Variants in PLEKHD1 observed in about 807,000 individuals in gnomAD.
The protein encoded by PLEKHD1 is pleckstrin homology domain-containing family D member 1.
A neutral mutation model predicts 69.2 loss-of-function variants in PLEKHD1; 51 were observed. That is an observed-to-expected ratio of 0.74 (90% CI 0.59 to 0.93). The LOEUF is 0.93. PLEKHD1 is among the 40% of genes least tolerant of loss of function. The pLI, the probability that PLEKHD1 is intolerant of heterozygous loss-of-function variation, is 0.00. For missense variants in PLEKHD1, 584 were observed against 641.0 expected (o/e 0.91, Z 0.96); for synonymous variants, 236 against 244.7 (o/e 0.96, Z 0.33).
chr14:69,527,450 A>G, intron 11 of PLEKHD1, 118 bp downstream of exon 11: 10 of 1,400,060 alleles, frequency 7.1e-6, no homozygotes, highest in Non-Finnish European at 8.7e-6. Flanking sequence ...TGCTCCCTGG[A>G]TATTGAAGGG....
Position 69,527,851 on chromosome 14 carries a change from G to T in PLEKHD1, c.1270G>T (p.Val424Leu). The change falls in exon 12 of 13, where the codon GTG becomes TTG. Residue 424 changes from valine (V) to leucine (L), a missense_variant. Coordinates refer to ENST00000322564, the MANE Select transcript of PLEKHD1 (RefSeq NM_001161498.2). ...AKMPVIMKNS[V>L]YIHKAATRRI... Reference sequence around the variant, plus strand: ...GATGCCTGTGATCATGAAGAACTCCGTGTACATCCATAAGGCAGCCACTCG... The same window carrying T: ...GATGCCTGTGATCATGAAGAACTCCTTGTACATCCATAAGGCAGCCACTCG... 1 of 1,551,484 alleles carries T rather than the reference G, an allele frequency of 6.4e-7. No individual in the cohort carries two copies. The highest frequency in any genetic ancestry group is 8.7e-7 in the Non-Finnish European group (1 of 1,146,996).
chr14:69,500,585 C>A lies in PLEKHD1; in HGVS notation c.252C>A (p.Ile84=), dbSNP rs755219358. Residue 84 remains isoleucine (I), a synonymous_variant, in exon 3 of 13, where the codon ATC becomes ATA. Transcript: ENST00000322564. Reference sequence around the variant, plus strand: ...TTCTGGTTCTTCCTCAGGGCGTCATCCCTCTGGGGGGCTGCCTGGTGGAGC... The same window carrying A: ...TTCTGGTTCTTCCTCAGGGCGTCATACCTCTGGGGGGCTGCCTGGTGGAGC... ...KYFNIHPKGV[I]PLGGCLVEPK... The A allele has an allele frequency of 7.7e-6, 12 of 1,549,614 alleles. No homozygotes were observed. The highest frequency in any genetic ancestry group is 1.0e-5 in the Non-Finnish European group (12 of 1,146,030).
At position 69,484,865 on chromosome 14, in the gene PLEKHD1, C is replaced by G. The variant is rs758107201; in HGVS notation, c.-101C>G. Reference sequence around the variant, plus strand: ...CCGGGCCGCTCTGCTTCTCTGCTCGCTGGGACGCTCTCCGACGGCTCCGCC... The same window carrying G: ...CCGGGCCGCTCTGCTTCTCTGCTCGGTGGGACGCTCTCCGACGGCTCCGCC... On this transcript the variant is annotated 5_prime_UTR_variant, in exon 1 of 13. Coordinates refer to ENST00000322564, the MANE Select transcript of PLEKHD1 (RefSeq NM_001161498.2). 3.5e-5 allele frequency: 49 copies of G among 1,384,952 alleles called. No individual in the cohort carries two copies. The highest frequency in any genetic ancestry group is 4.7e-5 in the Non-Finnish European group (48 of 1,027,408). 85.8% of individuals were successfully genotyped at this position (1,384,952 alleles called of 1,614,324 possible). A position where few individuals can be genotyped will look rare whatever the true frequency, so the allele number is the denominator to read the frequency against.
At chr14:69,494,416 G>A (rs1385184200) in intron 1 of PLEKHD1, among the ~76,000 whole-genome samples, 1 of 152,144 alleles carries the variant, frequency 6.6e-6, no homozygotes, top group Non-Finnish European at 1.5e-5. Flanking sequence ...CAGTGGCTGT[G>A]GGAAGTAGGT....
chr14:69,485,968 C>T (rs939450237), intron 1 of PLEKHD1, among the ~76,000 whole-genome samples: 2 of 152,250 alleles, frequency 1.3e-5, no homozygotes, highest in African/African-American at 2.4e-5. Context: ...GAGTTCACAG[C>T]CCTGGACTTG....
At chr14:69,506,737 T>G (rs1157150736) in intron 6 of PLEKHD1, among the ~76,000 whole-genome samples, 2 of 152,036 alleles carry the variant, frequency 1.3e-5, no homozygotes, top group Non-Finnish European at 2.9e-5. Flanking sequence ...TCACCCAAAG[T>G]TCATAGCATA....
At chr14:69,498,433 A>G (rs1882939457) in intron 1 of PLEKHD1, among the ~76,000 whole-genome samples, 1 of 152,054 alleles carries the variant, frequency 6.6e-6, no homozygotes, top group South Asian at 2.1e-4. Context: ...ACACCACAGC[A>G]CAGAGCTGAG....
In PLEKHD1 at chr14:69,528,531, A is replaced by G; in HGVS notation, c.*112A>G. 7.4e-7 allele frequency: 1 copy of G among 1,352,690 alleles called. No individual in the cohort carries two copies. Among genetic ancestry groups the G allele is most frequent in the Non-Finnish European group, 9.8e-7 (1 of 1,015,548 alleles). The allele number at this position is 1,352,690 out of a possible 1,614,324, so 83.8% of individuals were successfully genotyped here. ...TCCTGGCCTCTCTGGTCTGGAGCCT[A>G]TGTCTCCTCTGGGCCGGAGCTCCAC... is the stretch of plus-strand genomic sequence containing the variant. On this transcript the variant is annotated 3_prime_UTR_variant, in exon 13 of 13. Coordinates refer to ENST00000322564, the MANE Select transcript of PLEKHD1 (RefSeq NM_001161498.2).
intron 1 of PLEKHD1, among the ~76,000 whole-genome samples, chr14:69,498,032 G>GTTTTATTTTATTTTA (rs201092988): frequency 2.6e-4 from 36 of 137,104 alleles, no homozygotes; most frequent in Admixed American, 2.9e-4. Flanking sequence ...ATTTTATTTT[G>GTTTTATTTTATTTTA]TTTTATTTTA....
intron 8 of PLEKHD1, 31 bp from the exon 9 acceptor site, chr14:69,525,913 C>A: frequency 6.5e-7 from 1 of 1,537,054 alleles, no homozygotes; most frequent in South Asian, 1.2e-5. Context: ...CTAAATTGGG[C>A]TTTTCTTTTC....
chr14:69,525,624 T>C (rs1253325538), intron 8 of PLEKHD1, among the ~76,000 whole-genome samples: 1 of 152,116 alleles, frequency 6.6e-6, no homozygotes, highest in African/African-American at 2.4e-5. Flanking sequence ...TTGGGTGTTT[T>C]TCACGTAAGC....
At chr14:69,481,649 C>T (rs1370712323), upstream of PLEKHD1, among the ~76,000 whole-genome samples, 1 of 152,152 alleles carries the variant, frequency 6.6e-6, no homozygotes, top group Non-Finnish European at 1.5e-5. Flanking sequence ...ATGTGACTTA[C>T]GTAGACAACG....
At chr14:69,511,411 G>A (rs891370638) in intron 6 of PLEKHD1, among the ~76,000 whole-genome samples, 25 of 152,194 alleles carry the variant, frequency 1.6e-4, no homozygotes, top group South Asian at 1.0e-3. Flanking sequence ...ACCTGCCTCC[G>A]CCTCCCAAAG....
At chr14:69,524,883 T>C (rs753674333) in intron 8 of PLEKHD1, among the ~76,000 whole-genome samples, 2 of 151,958 alleles carry the variant, frequency 1.3e-5, no homozygotes, top group Non-Finnish European at 1.5e-5. Context: ...TGCTCCTCCA[T>C]GCCCTGCACA....
chr14:69,524,137 G>T, intron 7 of PLEKHD1, 92 bp from the exon 8 acceptor site: 1 of 1,053,796 alleles, frequency 9.5e-7, no homozygotes, highest in Non-Finnish European at 1.4e-6. Flanking sequence ...AGCCCCATCA[G>T]GAAGTGAAGC....
At chr14:69,499,286 C>T (rs1265703485) in intron 1 of PLEKHD1, among the ~76,000 whole-genome samples, 1 of 151,878 alleles carries the variant, frequency 6.6e-6, no homozygotes, top group Non-Finnish European at 1.5e-5. Flanking sequence ...CTTTCAGAAT[C>T]GCCACCACAT....
At chr14:69,494,883 G>A (rs1418706679) in intron 1 of PLEKHD1, among the ~76,000 whole-genome samples, 1 of 152,208 alleles carries the variant, frequency 6.6e-6, no homozygotes, top group Non-Finnish European at 1.5e-5. Flanking sequence ...AGCAAGGCCA[G>A]ATCTTTGGGT....
chr14:69,475,116 C>A, the PLEKHD1 span, among the ~76,000 whole-genome samples: 1 of 152,194 alleles, frequency 6.6e-6, no homozygotes, highest in African/African-American at 2.4e-5. Context: ...GGTGACCAGC[C>A]TTTGGCTCCT....
intron 6 of PLEKHD1, among the ~76,000 whole-genome samples, chr14:69,509,733 T>C (rs1455029033): frequency 6.6e-6 from 1 of 151,758 alleles, no homozygotes; most frequent in Non-Finnish European, 1.5e-5. Flanking sequence ...AGGTCAGGAG[T>C]TCGAAACCAG....
Sources: gnomAD v4.1 joint callset for allele counts (sites outside exome capture counted in the v4.1 genomes callset) on GRCh38, gnomAD v4.1.1 for gene constraint, MANE v1.5 for transcripts, NCBI Gene and HGNC (gene_info 2026-07-23, HGNC 2026-07-21) for gene names.